AJAP1: variants seen among roughly 807,000 people sequenced by gnomAD.
The protein encoded by AJAP1 is adherens junctions associated protein 1, also known as adherens junction-associated protein 1.
AJAP1 carries 5 observed loss-of-function variants against 35.0 expected under a neutral mutation model. The ratio of observed to expected loss-of-function variants is 0.14; its 90% confidence interval spans 0.07 to 0.30. The LOEUF (loss-of-function observed/expected upper bound fraction) is 0.30, where lower values mean the gene tolerates loss of function less well. AJAP1 is among the 10% of genes least tolerant of loss of function. The pLI is 1.00. For synonymous variants in AJAP1, 284 were observed against 249.3 expected, an observed-to-expected ratio of 1.14 and a Z score of -1.31; for missense variants, 586 against 571.0, an observed-to-expected ratio of 1.03 and a Z score of -0.27.
chr1:4,776,844 C>T (rs895389577), intron 5 of AJAP1, among the ~76,000 whole-genome samples: 1 of 152,206 alleles, frequency 6.6e-6, no homozygotes, highest in Non-Finnish European at 1.5e-5. Flanking sequence ...GAGCTGACCC[C>T]CTCCCTGTGG....
At chr1:4,694,864 G>A (rs1200981176) in intron 1 of AJAP1, among the ~76,000 whole-genome samples, 1 of 152,218 alleles carries the variant, frequency 6.6e-6, no homozygotes, top group African/African-American at 2.4e-5. Flanking sequence ...AGGAAGGGAG[G>A]TCATGGTCAG....
chr1:4,775,088 A>G (rs1557650519), intron 5 of AJAP1, among the ~76,000 whole-genome samples: 5 of 152,336 alleles, frequency 3.3e-5, no homozygotes, highest in Admixed American at 3.3e-4. Flanking sequence ...AAGAGTTGAG[A>G]CATCTACTAA....
At chr1:4,737,249 G>A (rs185299257) in intron 2 of AJAP1, among the ~76,000 whole-genome samples, 5 of 152,088 alleles carry the variant, frequency 3.3e-5, no homozygotes, top group African/African-American at 1.2e-4. Flanking sequence ...AGAGAGTCGG[G>A]AAAAAGCATG....
Position 4,767,561 on chromosome 1 carries a change from C to T in AJAP1, c.830-2292C>T, listed in dbSNP as rs867935975. 3.9e-5 allele frequency among the ~76,000 whole-genome samples: 6 copies of T among 151,934 alleles called. No individual in the cohort carries two copies. The South Asian group carries it at 1.3e-3, about 32-fold the overall frequency. ...TCATCATCACCATCTTTATCATTAC[C>T]ATCATTATCACCATCATCACCATCA... is the stretch of plus-strand genomic sequence containing the variant. On this transcript the variant is annotated intron_variant, in intron 2 of 5. Transcript: ENST00000378191.
chr1:4,778,417 T>A (rs1641981134), intron 5 of AJAP1, among the ~76,000 whole-genome samples: 1 of 152,184 alleles, frequency 6.6e-6, no homozygotes, highest in African/African-American at 2.4e-5. Context: ...AGCTGAAGTT[T>A]GAGCAACAGA....
chr1:4,703,024 G>A (rs1048932162), intron 1 of AJAP1, among the ~76,000 whole-genome samples: 1 of 152,164 alleles, frequency 6.6e-6, no homozygotes, highest in African/African-American at 2.4e-5. Flanking sequence ...CTGCTTCTCC[G>A]TGAGTCAAGT....
At chr1:4,709,979 C>G (rs1178136986) in intron 1 of AJAP1, among the ~76,000 whole-genome samples, 1 of 152,168 alleles carries the variant, frequency 6.6e-6, no homozygotes, top group African/African-American at 2.4e-5. Flanking sequence ...GGTCTCAGTA[C>G]TGAACAGAGG....
At chr1:4,694,635 G>C (rs556657224) in intron 1 of AJAP1, among the ~76,000 whole-genome samples, 2 of 152,228 alleles carry the variant, frequency 1.3e-5, no homozygotes, top group South Asian at 4.1e-4. Context: ...TGGGTCACGC[G>C]AGGGGTCTCC....
chr1:4,738,299 G>T (rs942172816), intron 2 of AJAP1, among the ~76,000 whole-genome samples: 1 of 152,210 alleles, frequency 6.6e-6, no homozygotes, highest in African/African-American at 2.4e-5. Flanking sequence ...TCAAATAAAT[G>T]CGTAATTGTC....
chr1:4,670,381 T>G (rs1206460195), intron 1 of AJAP1, among the ~76,000 whole-genome samples: 1 of 152,232 alleles, frequency 6.6e-6, no homozygotes, highest in African/African-American at 2.4e-5. Flanking sequence ...TGGTGCCTTT[T>G]CCTTTCCCCT....
At chr1:4,704,188 G>A (rs1474054822) in intron 1 of AJAP1, among the ~76,000 whole-genome samples, 1 of 148,214 alleles carries the variant, frequency 6.7e-6, no homozygotes, top group Non-Finnish European at 1.5e-5. Flanking sequence ...TTAAGTTTTA[G>A]GGTACATGTG....
chr1:4,788,883 G>T lies in AJAP1; in HGVS notation c.*6398G>T, dbSNP rs554722697. On this transcript the variant is annotated 3_prime_UTR_variant, in exon 6 of 6. Coordinates refer to ENST00000378191, the MANE Select transcript of AJAP1 (RefSeq NM_018836.4). ...AAGTCCACACTCCACACCTGTAAAC[G>T]CACAGCCCATGCCCCATTGTAAAGG... 6.6e-6 allele frequency: 1 copy of T among 152,242 alleles called. No individual in the cohort carries two copies. Among genetic ancestry groups the T allele is most frequent in the African/African-American group, 2.4e-5 (1 of 41,410 alleles). 9.4% of individuals were successfully genotyped at this position (152,242 alleles called of 1,614,324 possible). A position where few individuals can be genotyped will look rare whatever the true frequency, so the allele number is the denominator to read the frequency against.
chr1:4,777,744 C>G (rs1024174165), intron 5 of AJAP1: 1 of 152,194 alleles, frequency 6.6e-6, no homozygotes, highest in Non-Finnish European at 1.5e-5. Context: ...AAATCATGCA[C>G]TATTATTATT....
intron 1 of AJAP1, among the ~76,000 whole-genome samples, chr1:4,691,841 C>T (rs114983999): frequency 0.025 from 3,751 of 152,214 alleles, 98 homozygotes; most frequent in South Asian, 0.11. Flanking sequence ...GACCCAGGAC[C>T]GCCTGGCAGG....
intron 5 of AJAP1, among the ~76,000 whole-genome samples, chr1:4,779,451 A>G (rs1389210719): frequency 6.6e-6 from 1 of 151,262 alleles, no homozygotes; most frequent in East Asian, 2.0e-4. Flanking sequence ...AGACTTTCAC[A>G]TGGGAAAGTG....
intron 1 of AJAP1, among the ~76,000 whole-genome samples, chr1:4,658,996 T>C (rs1443854647): frequency 2.0e-5 from 3 of 152,046 alleles, no homozygotes; most frequent in Non-Finnish European, 4.4e-5. Flanking sequence ...CACACACAAA[T>C]GGGGTGTTTG....
In AJAP1 at chr1:4,655,415, G is replaced by A. The variant is rs763799617; in HGVS notation, c.-11G>A. On this transcript the variant is annotated 5_prime_UTR_variant, in exon 1 of 6. Transcript: ENST00000378191. This position sits in a 1 kb window ranked among gnomAD's most constrained non-coding sequence, Gnocchi z 6.9. ...AGCCAGGTCTGAGGCCCCGCTCCCC[G>A]AAACGTGACCATGTGGATTCAACAG... The A allele has an allele frequency of 2.6e-6, 4 of 1,562,534 alleles. No individual in the cohort carries two copies. Among genetic ancestry groups the A allele is most frequent in the Non-Finnish European group, 3.5e-6 (4 of 1,154,736 alleles).
At chr1:4,726,220 G>T (rs549059074) in intron 2 of AJAP1, among the ~76,000 whole-genome samples, 1 of 152,368 alleles carries the variant, frequency 6.6e-6, no homozygotes, top group African/African-American at 2.4e-5. Flanking sequence ...GAGAGAGCTG[G>T]GCACAGGGGC....
chr1:4,691,944 G>T (rs1349272822), intron 1 of AJAP1, among the ~76,000 whole-genome samples: 1 of 152,088 alleles, frequency 6.6e-6, no homozygotes, highest in Non-Finnish European at 1.5e-5. Flanking sequence ...AGGGACAAGG[G>T]TCTCCAGGGC....
Sources: allele counts gnomAD v4.1 joint callset (sites outside exome capture counted in the v4.1 genomes callset), GRCh38; gene constraint gnomAD v4.1.1; non-coding constraint Gnocchi (gnomAD v3.1); transcripts MANE v1.5; gene names NCBI Gene and HGNC (gene_info 2026-07-23, HGNC 2026-07-21).